Variants in KDM6A observed in about 807,000 individuals in gnomAD.
KDM6A encodes the protein lysine demethylase 6A.
Under a neutral mutation model 117.6 loss-of-function variants are expected in KDM6A, and 11 were observed. The ratio of observed to expected loss-of-function variants is 0.09; its 90% CI spans 0.06 to 0.15. The LOEUF (loss-of-function observed/expected upper bound fraction) is 0.15, where lower values mean the gene tolerates loss of function less well. Among genes scored for constraint, KDM6A ranks in the 10% least tolerant of loss-of-function variants. The pLI, the probability that KDM6A is intolerant of heterozygous loss-of-function variation, is 1.00. For missense variants in KDM6A, 799 were observed against 1,077.3 expected, an observed-to-expected ratio of 0.74 and a Z score of 3.62; for synonymous variants, 384 against 396.1, an observed-to-expected ratio of 0.97 and a Z score of 0.36.
rs770628147 is a variant in KDM6A at position 45,063,810 on chromosome X, C to G, written c.2072C>G (p.Ser691Cys). The G allele has an allele frequency of 8.4e-7, 1 of 1,194,777 alleles. No individual in the cohort carries two copies. Among genetic ancestry groups the G allele is most frequent in the South Asian group, 1.8e-5 (1 of 54,721 alleles). Residue 691 changes from serine to cysteine, a missense_variant, in exon 17 of 30, where the codon TCC becomes TGC. Coordinates refer to ENST00000611820, the MANE Select transcript of KDM6A (RefSeq NM_001291415.2). Reference sequence around the variant, plus strand: ...CCGTGGAAAAACCAACTATCTAACTCCACTCAGGTAATAGGAGGACTAGCT... The same window carrying G: ...CCGTGGAAAAACCAACTATCTAACTGCACTCAGGTAATAGGAGGACTAGCT... ...EEPWKNQLSN[S>C]TQGLHKGQSS...
intron 2 of KDM6A, among the ~76,000 whole-genome samples, chrX:44,922,235 G>A (rs1323804162): frequency 9.7e-6 from 1 of 103,331 alleles, no homozygotes; most frequent in Non-Finnish European, 2.0e-5. Flanking sequence ...GTAGAGGTGG[G>A]GTTTCGCCGT....
rs752834113 is a variant in KDM6A, at chrX:44,979,685, T to C, written c.384+4970T>C. On this transcript the variant is annotated intron_variant, in intron 4 of 29. Transcript: ENST00000611820. ...GATCATAAAATATTTCCTCACCTTT[T>C]AAATTCTGTTTTGGCCTGTGATACA... Among the ~76,000 whole-genome samples the C allele has an allele frequency of 2.3e-3, 257 of 111,216 alleles. 1 individual carries two copies. The highest frequency in any genetic ancestry group is 8.0e-3 in the African/African-American group (245 of 30,583).
At chrX:44,978,995 T>A (rs1456784877) in intron 4 of KDM6A, among the ~76,000 whole-genome samples, 1 of 112,279 alleles carries the variant, frequency 8.9e-6, no homozygotes, top group Non-Finnish European at 1.9e-5. Context: ...TGATAAGTAT[T>A]TGGGTTGTTT....
At chrX:44,906,390 A>T (rs2034661046) in intron 2 of KDM6A, among the ~76,000 whole-genome samples, 1 of 109,941 alleles carries the variant, frequency 9.1e-6, no homozygotes. Flanking sequence ...AGCTCAAGTG[A>T]TGCTCCCACC....
At chrX:45,097,659 C>A (rs1382981701) in intron 27 of KDM6A, among the ~76,000 whole-genome samples, 5 of 111,499 alleles carry the variant, frequency 4.5e-5, no homozygotes, top group African/African-American at 1.6e-4. Context: ...TCTGTTGTCA[C>A]CTCCTGATTC....
At chrX:45,083,707 A>C (rs1175199472) in intron 24 of KDM6A, 99 bp downstream of exon 24, 1 of 755,476 alleles carries the variant, frequency 1.3e-6, no homozygotes, top group African/African-American at 2.1e-5. Flanking sequence ...ATAATGAATA[A>C]AACTGAGAGT....
intron 17 of KDM6A, among the ~76,000 whole-genome samples, chrX:45,068,617 G>A (rs2044651085): frequency 9.5e-6 from 1 of 105,138 alleles, no homozygotes; most frequent in Non-Finnish European, 1.9e-5. Flanking sequence ...CCAGGCTGGA[G>A]TACAGTGGCA....
intron 2 of KDM6A, among the ~76,000 whole-genome samples, chrX:44,920,324 A>T (rs181605436): frequency 1.8e-5 from 2 of 111,955 alleles, no homozygotes; most frequent in African/African-American, 6.5e-5. Context: ...GTTTATAGTT[A>T]AAAAAATGGC....
intron 3 of KDM6A, among the ~76,000 whole-genome samples, chrX:44,968,654 G>A (rs955536503): frequency 4.5e-5 from 5 of 111,984 alleles, no homozygotes; most frequent in African/African-American, 1.6e-4. Context: ...AGAGAGTCAC[G>A]GAGGTTAAAT....
At chrX:45,032,333 A>G (rs2042632583) in intron 6 of KDM6A, among the ~76,000 whole-genome samples, 1 of 111,318 alleles carries the variant, frequency 9.0e-6, no homozygotes, top group Non-Finnish European at 1.9e-5. Context: ...GTTAATAGGT[A>G]TATCTATTTT....
intron 2 of KDM6A, among the ~76,000 whole-genome samples, chrX:44,895,536 G>A (rs772579086): frequency 1.1e-5 from 1 of 90,838 alleles, no homozygotes; most frequent in African/African-American, 4.0e-5. Context: ...CTTTCTGCTT[G>A]CTTTGGGTTT....
intron 6 of KDM6A, among the ~76,000 whole-genome samples, chrX:45,025,030 C>A (rs192055369): frequency 8.9e-6 from 1 of 112,348 alleles, no homozygotes; most frequent in East Asian, 2.8e-4. Context: ...ATTCTTAATT[C>A]GTGAACTAGT....
intron 27 of KDM6A, among the ~76,000 whole-genome samples, chrX:45,104,117 C>T (rs1244128141): frequency 9.1e-6 from 1 of 109,724 alleles, no homozygotes; most frequent in Non-Finnish European, 1.9e-5. Context: ...CTCCACCTCC[C>T]GGATTCAAGC....
chrX:44,963,499 C>CTGTCTCTGTCTG (rs796328734), intron 3 of KDM6A, among the ~76,000 whole-genome samples: 2 of 81,134 alleles, frequency 2.5e-5, no homozygotes, highest in Non-Finnish European at 4.5e-5. Context: ...GTCTGTCTGT[C>CTGTCTCTGTCTG]TCTGTCTGTC....
chrX:44,963,805 C>A (rs1374548874), intron 3 of KDM6A, among the ~76,000 whole-genome samples: 7 of 110,159 alleles, frequency 6.4e-5, no homozygotes, highest in Admixed American at 1.9e-4. Flanking sequence ...CTGCAACCTC[C>A]GCCTCCTGGG....
rs759687147 is a variant in KDM6A, at chrX:45,100,048, C to A, written c.4035-7362C>A. 5.5e-3 allele frequency among the ~76,000 whole-genome samples: 604 copies of A among 109,551 alleles called. 3 individuals are homozygous for A. Among genetic ancestry groups the A allele is most frequent in the African/African-American group, 0.018 (552 of 30,243 alleles). On this transcript the variant is annotated intron_variant, in intron 27 of 29. Transcript: ENST00000611820. ...GACTCTGTCTCAAAAAAAAAAAAAA[C>A]CCCTCTGCAAATTCATGATTCCCAT...
Position 45,109,510 on chromosome X carries a change from C to T in KDM6A, c.4162-569C>T, listed in dbSNP as rs999591685. On this transcript the variant is annotated intron_variant, in intron 28 of 29. Transcript: ENST00000611820. Reference sequence around the variant, plus strand: ...AGGATGTTGATGGTCCATTTCAAACCTTGAAATTCTGTAATTCTAGCATCA... The same window carrying T: ...AGGATGTTGATGGTCCATTTCAAACTTTGAAATTCTGTAATTCTAGCATCA... Among the ~76,000 whole-genome samples, 6 of 111,439 alleles carry T rather than the reference C, an allele frequency of 5.4e-5. No individual in the cohort carries two copies. The Admixed American group carries it at 5.7e-4, about 11-fold the overall frequency.
intron 27 of KDM6A, among the ~76,000 whole-genome samples, chrX:45,094,761 C>T (rs143465939): frequency 0.011 from 1,193 of 111,606 alleles, 9 homozygotes; most frequent in Middle Eastern, 0.032. Flanking sequence ...TTTTTGCCCT[C>T]CCTCCTGATT....
intron 2 of KDM6A, among the ~76,000 whole-genome samples, chrX:44,882,338 A>G (rs994785942): frequency 1.8e-5 from 2 of 112,151 alleles, no homozygotes; most frequent in East Asian, 5.6e-4. Flanking sequence ...TTTGAAGCAC[A>G]TCTCAGCAAT....
Sources: gnomAD v4.1 joint callset for allele counts (sites outside exome capture counted in the v4.1 genomes callset) on GRCh38, gnomAD v4.1.1 for gene constraint, MANE v1.5 for transcripts, NCBI Gene and HGNC (gene_info 2026-07-23, HGNC 2026-07-21) for gene names.